IRS2: variants seen among roughly 807,000 people sequenced by gnomAD.
IRS2 encodes insulin receptor substrate 2.
Under a neutral mutation model 70.9 loss-of-function variants are expected in IRS2, and 28 were observed. The ratio of observed to expected loss-of-function variants is 0.39; its 90% CI spans 0.29 to 0.54. The LOEUF is 0.54. IRS2 is among the 20% of genes least tolerant of loss of function. The probability of loss-of-function intolerance (pLI) is 0.59; values close to 1 mark genes in which losing one functional copy is unlikely to be tolerated. For missense variants in IRS2, 2,081 were observed against 2,024.1 expected, an observed-to-expected ratio of 1.03 and a Z score of -0.54; for synonymous variants, 1,217 against 981.9, an observed-to-expected ratio of 1.24 and a Z score of -4.48.
chr13:109,778,492 T>G (rs1877627765), intron 1 of IRS2, among the ~76,000 whole-genome samples: 1 of 152,240 alleles, frequency 6.6e-6, no homozygotes, highest in Admixed American at 6.5e-5. Flanking sequence ...CGCTATTGTC[T>G]TATTATGGCC....
Position 109,782,248 on chromosome 13 carries a change from T to G in IRS2, c.3806A>C (p.Gln1269Pro), listed in dbSNP as rs555841746. 1.1e-4 allele frequency: 171 copies of G among 1,605,800 alleles called. 1 individual carries two copies. In the East Asian group the frequency reaches 3.0e-3, roughly 28 times the overall value. ...REEPGLPPQP[Q>P]PPPPPLPQPG... ...CTGAGGAAGCGGCGGCGGCGGCGGCTGCGGCTGGGGTGGCAGCCCGGGCTC... is the reference window on the plus strand; with the variant it reads ...CTGAGGAAGCGGCGGCGGCGGCGGCGGCGGCTGGGGTGGCAGCCCGGGCTC... Residue 1269 changes from glutamine to proline, a missense_variant, in exon 1 of 2, where the codon CAG (glutamine) becomes CCG (proline). By Grantham distance (76) the Gln-to-Pro change is moderately conservative (BLOSUM62 -1). Transcript: ENST00000375856.
chr13:109,782,266 C>T lies in IRS2; in HGVS notation c.3788G>A (p.Gly1263Glu), dbSNP rs200545532. The part of the protein sequence containing the change: ...YIAIDVREEP[G>E]LPPQPQPPPP... ...CGGCGGCTGCGGCTGGGGTGGCAGC[C>T]CGGGCTCCTCCCTCACGTCGATGGC... Residue 1263 changes from glycine (G) to glutamate (E), a missense_variant, in exon 1 of 2, where the codon GGG becomes GAG. Around this residue, in one of 4 missense-constraint regions of IRS2, gnomAD observed 1,615 missense variants for 1,459.5 expected, o/e 1.11. Coordinates refer to ENST00000375856, the MANE Select transcript of IRS2 (RefSeq NM_003749.3). 5.6e-6 allele frequency: 9 copies of T among 1,608,982 alleles called. No homozygotes were observed. Among genetic ancestry groups the T allele is most frequent in the Non-Finnish European group, 7.6e-6 (9 of 1,178,444 alleles).
rs1236180786 is a variant in IRS2 at position 109,782,360 on chromosome 13, G to A, written c.3694C>T (p.Pro1232Ser). The change falls in exon 1 of 2, where the codon CCT (proline) becomes TCT (serine). Residue 1232 changes from proline to serine, a missense_variant. Pro to Ser is a moderately conservative substitution (Grantham distance 74). This residue lies in a region of IRS2 where 1,615 missense variants were observed against 1,459.5 expected (regional missense o/e 1.11). Coordinates refer to ENST00000375856, the MANE Select transcript of IRS2 (RefSeq NM_003749.3). The part of the protein sequence containing the change: ...PGQPGGLVGC[P>S]GSGGSPMRRE... Reference sequence around the variant, plus strand: ...CGCATGGGCGATCCACCGCTCCCAGGACAACCGACCAAGCCCCCGGGCTGA... The same window carrying A: ...CGCATGGGCGATCCACCGCTCCCAGAACAACCGACCAAGCCCCCGGGCTGA... 5.0e-6 allele frequency: 8 copies of A among 1,611,718 alleles called. No homozygotes were observed. Among genetic ancestry groups the A allele is most frequent in the South Asian group, 4.4e-5 (4 of 91,070 alleles).
In IRS2 at chr13:109,782,574, G is replaced by C; in HGVS notation, c.3480C>G (p.Pro1160=). 6.4e-7 allele frequency: 1 copy of C among 1,570,958 alleles called. No individual in the cohort carries two copies. The highest frequency in any genetic ancestry group is 8.6e-7 in the Non-Finnish European group (1 of 1,158,678). ...ETFSSTTTVT[P]VSPSFAHNPK... ...GGTTGTGGGCGAAGGACGGGGACAC[G>C]GGGGTGACCGTCGTGGTGGAGGAGA... Residue 1160 remains proline (P), a synonymous_variant, in exon 1 of 2, where the codon CCC becomes CCG. Transcript: ENST00000375856.
At chr13:109,772,806 C>T (rs1218834961) in intron 1 of IRS2, among the ~76,000 whole-genome samples, 2 of 151,706 alleles carry the variant, frequency 1.3e-5, no homozygotes, top group Non-Finnish European at 1.5e-5. Context: ...CGCCATTCTC[C>T]TGCCTCAGCC....
chr13:109,773,277 GATTAGT>G (rs1283434873), intron 1 of IRS2, among the ~76,000 whole-genome samples: 1 of 152,150 alleles, frequency 6.6e-6, no homozygotes, highest in Non-Finnish European at 1.5e-5. Context: ...AGCAACAACT[GATTAGT>G]TAGTTATTGG....
rs2138930349 is a variant in IRS2, at chr13:109,782,663, G to A, written c.3391C>T (p.Arg1131Cys). The A allele has an allele frequency of 6.4e-7, 1 of 1,572,164 alleles. No individual in the cohort carries two copies. Among genetic ancestry groups the A allele is most frequent in the South Asian group, 1.2e-5 (1 of 86,164 alleles). The stretch of plus-strand genomic sequence containing the variant: ...TCTGCGCGGATGACCTTGGCGCCGC[G>A]GTGGGGGTCCGGGGGCTGGCTGGCC... ...LQASQPPDPH[R>C]GAKVIRADPQ... Residue 1131 changes from arginine (R) to cysteine (C), a missense_variant, in exon 1 of 2, where the codon CGC becomes TGC. Physicochemically the swap from Arg to Cys is radical, Grantham distance 180 (BLOSUM62 -3). Around this residue, in one of 4 missense-constraint regions of IRS2, gnomAD observed 1,615 missense variants for 1,459.5 expected, o/e 1.11. Transcript: ENST00000375856.
Position 109,783,699 on chromosome 13 carries a change from G to A in IRS2, c.2355C>T (p.Ser785=), listed in dbSNP as rs556298412. 2.6e-6 allele frequency: 4 copies of A among 1,565,896 alleles called. No homozygotes were observed. Among genetic ancestry groups the A allele is most frequent in the East Asian group, 2.4e-5 (1 of 42,024 alleles). The change falls in exon 1 of 2, where the codon TCC becomes TCT. Residue 785 remains serine (S), a synonymous_variant. Coordinates refer to ENST00000375856, the MANE Select transcript of IRS2 (RefSeq NM_003749.3). ...GCTCCCCGCCGGGGTGCAGGGCTGC[G>A]GAGAAGAAGTCGGGCGGGGTGCCCG... ...VTTGTPPDFF[S]AALHPGGEPL... is the part of the protein sequence containing the mutation.
rs1483548757 is a variant in IRS2 at position 109,785,307 on chromosome 13, G to A, written c.747C>T (p.Gly249=). The change falls in exon 1 of 2, where the codon GGC becomes GGT. Residue 249 remains glycine, a synonymous_variant. Coordinates refer to ENST00000375856, the MANE Select transcript of IRS2 (RefSeq NM_003749.3). The surrounding 1 kb of genome is among the most constrained non-coding windows in gnomAD (Gnocchi z 9.3). ...CGATGAAGAAGAAGCTGTCCGAGTG[G>A]CCGCAGCGGCGGATGTTCATGAGCT... is the stretch of plus-strand genomic sequence containing the variant. ...TLQLMNIRRC[G]HSDSFFFIEV... is the part of the protein sequence containing the mutation. The A allele has an allele frequency of 6.2e-7, 1 of 1,609,450 alleles. No individual in the cohort carries two copies. The highest frequency in any genetic ancestry group is 8.5e-7 in the Non-Finnish European group (1 of 1,178,688).
chr13:109,782,274 C>T lies in IRS2; in HGVS notation c.3780G>A (p.Glu1260=), dbSNP rs879905039. The stretch of plus-strand genomic sequence containing the variant: ...GCGGCTGGGGTGGCAGCCCGGGCTC[C>T]TCCCTCACGTCGATGGCGATGTAGT... ...GLNYIAIDVR[E]EPGLPPQPQP... Residue 1260 remains glutamate (E), a synonymous_variant, in exon 1 of 2, where the codon GAG becomes GAA. Transcript: ENST00000375856. 6.2e-7 allele frequency: 1 copy of T among 1,610,558 alleles called. No homozygotes were observed. Among genetic ancestry groups the T allele is most frequent in the Non-Finnish European group, 8.5e-7 (1 of 1,179,064 alleles).
At chr13:109,762,020 C>T (rs958950811) in intron 1 of IRS2, among the ~76,000 whole-genome samples, 2 of 152,166 alleles carry the variant, frequency 1.3e-5, no homozygotes, top group African/African-American at 4.8e-5. Flanking sequence ...CTAGGAAAAT[C>T]AGGCCTCCTA....
At position 109,783,361 on chromosome 13, in the gene IRS2, A is replaced by T; in HGVS notation, c.2693T>A (p.Leu898Gln). ...CTCGTGCATGCTGGGCAGGCTGGGC[A>T]GCCCCTCCAGGGACAGGCGCGTGGG... ...VRPTRLSLEG[L>Q]PSLPSMHEYP... Residue 898 changes from leucine to glutamine, a missense_variant, in exon 1 of 2, where the codon CTG becomes CAG. Physicochemically the swap from Leu to Gln is moderately radical, Grantham distance 113. Transcript: ENST00000375856. The T allele has an allele frequency of 5.8e-6, 9 of 1,545,466 alleles. No homozygotes were observed. Among genetic ancestry groups the T allele is most frequent in the Non-Finnish European group, 7.8e-6 (9 of 1,155,462 alleles).
intron 1 of IRS2, among the ~76,000 whole-genome samples, chr13:109,770,603 C>T (rs1368819863): frequency 6.6e-6 from 1 of 152,148 alleles, no homozygotes; most frequent in Non-Finnish European, 1.5e-5. Context: ...GCAGAGACAT[C>T]CCGTGAAACA....
rs569687550 is a variant in IRS2 at position 109,755,549 on chromosome 13, C to T, written c.*755G>A. On this transcript the variant is annotated 3_prime_UTR_variant, in exon 2 of 2. Coordinates refer to ENST00000375856, the MANE Select transcript of IRS2 (RefSeq NM_003749.3). Reference sequence around the variant, plus strand: ...AGCCCTTCCCTCCCACCTCCCACTACCCAATACAGTTGATTTTCAAAAGTA... The same window carrying T: ...AGCCCTTCCCTCCCACCTCCCACTATCCAATACAGTTGATTTTCAAAAGTA... 7.3e-4 allele frequency: 154 copies of T among 209,734 alleles called. No individual in the cohort carries two copies. The highest frequency in any genetic ancestry group is 3.4e-3 in the African/African-American group (149 of 44,158). The allele number at this position is 209,734 out of a possible 1,614,324, so 13.0% of individuals were successfully genotyped here.
rs1049307661 is a variant in IRS2 at position 109,783,870 on chromosome 13, C to T, written c.2184G>A (p.Lys728=). ...GGGAGCTCTCGGCGGGCGAGCTGGC[C>T]TTGTAGCCGCCCCCGCTCGCCGGGA... ...RTFPASGGGY[K]ASSPAESSPE... is the part of the protein sequence containing the mutation. Residue 728 remains lysine (K), a synonymous_variant, in exon 1 of 2, where the codon AAG becomes AAA. Transcript: ENST00000375856. 1 of 1,552,094 alleles carries T rather than the reference C, an allele frequency of 6.4e-7. No homozygotes were observed. The highest frequency in any genetic ancestry group is 8.7e-7 in the Non-Finnish European group (1 of 1,148,290).
At chr13:109,758,260 G>C (rs953218476) in intron 1 of IRS2, among the ~76,000 whole-genome samples, 3 of 95,096 alleles carry the variant, frequency 3.2e-5, no homozygotes, top group Non-Finnish European at 7.1e-5. Flanking sequence ...CCCTGATTTG[G>C]GAAGAATCCC....
intron 1 of IRS2, among the ~76,000 whole-genome samples, chr13:109,774,931 C>T (rs939947559): frequency 1.3e-5 from 2 of 152,100 alleles, no homozygotes; most frequent in African/African-American, 4.8e-5. Context: ...TTGCATTCAA[C>T]TTCAATAAGA....
chr13:109,762,011 T>C (rs547450584), intron 1 of IRS2, among the ~76,000 whole-genome samples: 3 of 152,308 alleles, frequency 2.0e-5, no homozygotes, highest in African/African-American at 7.2e-5. Context: ...CATCCAAAAC[T>C]AGGAAAATCA....
intron 1 of IRS2, among the ~76,000 whole-genome samples, chr13:109,775,210 C>T (rs953975543): frequency 4.0e-5 from 6 of 150,978 alleles, no homozygotes; most frequent in African/African-American, 1.2e-4. Flanking sequence ...CCTCTGCCTC[C>T]CTGGTTCAAG....
Sources: gnomAD v4.1 joint callset for allele counts (sites outside exome capture counted in the v4.1 genomes callset) on GRCh38, gnomAD v4.1.1 for gene constraint, gnomAD v4.1.1 regional missense constraint, Gnocchi (gnomAD v3.1) non-coding constraint, MANE v1.5 for transcripts, NCBI Gene and HGNC (gene_info 2026-07-23, HGNC 2026-07-21) for gene names.